The following MCM5 variants were observed in gnomAD, a reference collection of about 807,000 sequenced individuals.
The protein encoded by MCM5 is DNA replication licensing factor MCM5.
Under a neutral mutation model 79.9 loss-of-function variants are expected in MCM5, and 46 were observed. The ratio of observed to expected loss-of-function variants is 0.58; its 90% CI spans 0.45 to 0.74. The LOEUF is 0.74. MCM5 is among the 30% of genes least tolerant of loss of function. MCM5 has a pLI of 0.00. For synonymous variants in MCM5, 404 were observed against 390.5 expected (o/e 1.03, Z -0.41); for missense variants, 883 against 1,017.0 (o/e 0.87, Z 1.79).
In MCM5 at chr22:35,424,549, C is replaced by A; in HGVS notation, c.*294C>A. The A allele has an allele frequency of 3.4e-6, 1 of 294,768 alleles. No homozygotes were observed. Among genetic ancestry groups the A allele is most frequent in the Non-Finnish European group, 6.3e-6 (1 of 158,178 alleles). 18.3% of individuals were successfully genotyped at this position (294,768 alleles called of 1,614,324 possible). On this transcript the variant is annotated 3_prime_UTR_variant, in exon 17 of 17. Transcript: ENST00000216122. ...TGACCTGTCACCTCCATCGTGCCCT[C>A]ATGGCAGGGTAAGTGTGAGGGAACA... is the stretch of plus-strand genomic sequence containing the variant.
the MCM5 span, among the ~76,000 whole-genome samples, chr22:35,438,475 A>C: frequency 2.2e-4 from 3 of 13,686 alleles, no homozygotes; most frequent in East Asian, 1.1e-3. Flanking sequence ...ATCCATCCAC[A>C]TATCCATCCA....
chr22:35,408,286 T>A, intron 5 of MCM5, 122 bp from the exon 6 acceptor site: 1 of 846,742 alleles, frequency 1.2e-6, no homozygotes, highest in Admixed American at 2.5e-5. Flanking sequence ...ATCTCCAGCT[T>A]ATTCTGGAGA....
chr22:35,453,978 G>A, the MCM5 span, among the ~76,000 whole-genome samples: 2 of 151,594 alleles, frequency 1.3e-5, no homozygotes. Flanking sequence ...CCACCAGCCC[G>A]CTCTCCTCTT....
intron 2 of MCM5, chr22:35,401,776 A>G (rs4645741): frequency 0.03 from 13,784 of 460,258 alleles, 706 homozygotes; most frequent in African/African-American, 0.12. Flanking sequence ...GAAGACCAAC[A>G]GATAACTTCC....
In MCM5 at chr22:35,413,894, C is replaced by A. The variant is rs199576845; in HGVS notation, c.1111C>A (p.Arg371Ser). Reference protein sequence around the residue: ...SRKRLPDGLTRRGDINLLMLG... With the variant: ...SRKRLPDGLTSRGDINLLMLG... ...CCCCAGGCTCCCTGATGGACTTACT[C>A]GCCGAGGAGACATCAACCTGCTGAT... Residue 371 changes from arginine to serine, a missense_variant, in exon 9 of 17, where the codon CGC becomes AGC. This residue lies in a region of MCM5 where 455 missense variants were observed against 517.5 expected (regional missense o/e 0.88). Transcript: ENST00000216122. 6.2e-7 allele frequency: 1 copy of A among 1,612,528 alleles called. No individual in the cohort carries two copies. The highest frequency in any genetic ancestry group is 8.5e-7 in the Non-Finnish European group (1 of 1,178,658).
chr22:35,403,135 C>T lies in MCM5; in HGVS notation c.168-72C>T, dbSNP rs1169021864. On this transcript the variant is annotated intron_variant, in intron 2 of 16. Coordinates refer to ENST00000216122, the MANE Select transcript of MCM5 (RefSeq NM_006739.4). ...GTGTGGGCAGATTCAGGGGTGCAGG[C>T]ACACCTCAGCCAGTGTTGGTTTCCT... 3 of 1,576,412 alleles carry T rather than the reference C, an allele frequency of 1.9e-6. No individual in the cohort carries two copies. The South Asian group carries it at 3.5e-5, about 18-fold the overall frequency.
chr22:35,407,939 CTTCT>C (rs1378440781), intron 5 of MCM5, among the ~76,000 whole-genome samples: 1 of 152,164 alleles, frequency 6.6e-6, no homozygotes, highest in Non-Finnish European at 1.5e-5. Flanking sequence ...ATGATGTTTA[CTTCT>C]TTATGTTGCT....
the MCM5 span, among the ~76,000 whole-genome samples, chr22:35,439,000 CA>C: frequency 1.2e-4 from 1 of 8,062 alleles, no homozygotes; most frequent in African/African-American, 1.5e-3. Context: ...CATATTCATC[CA>C]TCCATCCATC....
chr22:35,415,669 G>A (rs1219722119), intron 9 of MCM5, among the ~76,000 whole-genome samples, 160 bp from the exon 10 acceptor site: 1 of 152,246 alleles, frequency 6.6e-6, no homozygotes, highest in Admixed American at 6.5e-5. Flanking sequence ...CCCTTCCAGA[G>A]GGAGACGCAC....
chr22:35,418,180 C>A (rs1932596270), intron 13 of MCM5, among the ~76,000 whole-genome samples: 2 of 152,124 alleles, frequency 1.3e-5, no homozygotes, highest in South Asian at 4.1e-4. Context: ...CACTCTATGA[C>A]TTTGGGCAAG....
At chr22:35,450,695 G>A in the MCM5 span, among the ~76,000 whole-genome samples, 28 of 152,320 alleles carry the variant, frequency 1.8e-4, 1 homozygote, top group South Asian at 3.5e-3. Context: ...ACGGCAACAC[G>A]TTGACACTGG....
At chr22:35,447,844 G>A in the MCM5 span, among the ~76,000 whole-genome samples, 4 of 152,264 alleles carry the variant, frequency 2.6e-5, no homozygotes, top group East Asian at 1.9e-4. Context: ...GGGAGAGACC[G>A]GGCAGCAGCG....
At chr22:35,435,642 T>G in the MCM5 span, among the ~76,000 whole-genome samples, 1 of 152,126 alleles carries the variant, frequency 6.6e-6, no homozygotes, top group East Asian at 1.9e-4. Context: ...GCCTGAAGCC[T>G]TGGCACAGTG....
At chr22:35,443,072 ACT>A in the MCM5 span, among the ~76,000 whole-genome samples, 2 of 151,310 alleles carry the variant, frequency 1.3e-5, 1 homozygote, top group South Asian at 4.2e-4. Context: ...TGAGGACCAC[ACT>A]CTCCCTCTCA....
At chr22:35,423,068 G>C in intron 15 of MCM5, 146 bp from the exon 16 acceptor site, 2 of 794,214 alleles carry the variant, frequency 2.5e-6, no homozygotes, top group South Asian at 2.0e-5. Flanking sequence ...AATCAGGCCT[G>C]CACCACCCTG....
rs560267666 is a variant in MCM5 at position 35,424,471 on chromosome 22, C to T, written c.*216C>T. The T allele has an allele frequency of 4.1e-6, 2 of 492,554 alleles. No homozygotes were observed. The highest frequency in any genetic ancestry group is 4.2e-5 in the Admixed American group (1 of 24,060). The allele number at this position is 492,554 out of a possible 1,614,324, so 30.5% of individuals were successfully genotyped here. On this transcript the variant is annotated 3_prime_UTR_variant, in exon 17 of 17. Coordinates refer to ENST00000216122, the MANE Select transcript of MCM5 (RefSeq NM_006739.4). ...TTCTGGGAAGTGTGCTTTTGGCATC[C>T]GTTAATAATAAAGCCACGGTGTGTT...
At chr22:35,400,403 C>G (rs763953945) in intron 1 of MCM5, 28 bp from the exon 2 acceptor site, 2 of 1,613,590 alleles carry the variant, frequency 1.2e-6, no homozygotes, top group South Asian at 2.2e-5. Context: ...TGCCCCCAGC[C>G]TGTTCTGGCC....
At position 35,406,571 on chromosome 22, in the gene MCM5, C is replaced by G; in HGVS notation, c.442C>G (p.Leu148Val). ...RSLKSDMMSH[L>V]VKIPGIIIAA... ...ATTACAGTCGGACATGATGTCACAC[C>G]TGGTGAAGATCCCTGGCATCATCAT... Residue 148 changes from leucine (L) to valine (V), a missense_variant, in exon 5 of 17, where the codon CTG (leucine) becomes GTG (valine). Physicochemically the swap from Leu to Val is conservative, Grantham distance 32. This residue lies in a region of MCM5 where 455 missense variants were observed against 517.5 expected (regional missense o/e 0.88). Transcript: ENST00000216122. 1 of 1,613,728 alleles carries G rather than the reference C, an allele frequency of 6.2e-7. No individual in the cohort carries two copies. Among genetic ancestry groups the G allele is most frequent in the Non-Finnish European group, 8.5e-7 (1 of 1,179,848 alleles).
In MCM5 at chr22:35,400,334, C is replaced by T. The variant is rs919448555; in HGVS notation, c.-8-97C>T. On this transcript the variant is annotated intron_variant, in intron 1 of 16. Coordinates refer to ENST00000216122, the MANE Select transcript of MCM5 (RefSeq NM_006739.4). Reference sequence around the variant, plus strand: ...GAGTCCGGGAGCGCGGCCGGGGGTCCCCCTGCTCCGGACTCAGGGCAGGGA... The same window carrying T: ...GAGTCCGGGAGCGCGGCCGGGGGTCTCCCTGCTCCGGACTCAGGGCAGGGA... 2.9e-6 allele frequency: 4 copies of T among 1,403,384 alleles called. No individual in the cohort carries two copies. In the African/African-American group the frequency reaches 5.7e-5, roughly 20 times the overall value. The allele number at this position is 1,403,384 out of a possible 1,614,324, so 86.9% of individuals were successfully genotyped here. A position where few individuals can be genotyped will look rare whatever the true frequency, so the allele number is the denominator to read the frequency against.
Sources: gnomAD v4.1 joint callset for allele counts (sites outside exome capture counted in the v4.1 genomes callset) on GRCh38, gnomAD v4.1.1 for gene constraint, gnomAD v4.1.1 regional missense constraint, MANE v1.5 for transcripts, NCBI Gene and HGNC (gene_info 2026-07-23, HGNC 2026-07-21) for gene names.